Variants in SLC7A14 observed in about 807,000 individuals in gnomAD.
SLC7A14 encodes gamma-aminobutyric acid transporter SLC7A14.
A neutral mutation model predicts 60.2 loss-of-function variants in SLC7A14; 37 were observed. The observed-to-expected ratio is 0.61, with a 90% CI of 0.47 to 0.81. The LOEUF is 0.81. Among genes scored for constraint, SLC7A14 ranks in the 30% least tolerant of loss-of-function variants. The probability of loss-of-function intolerance (pLI) is 0.00; values close to 1 mark genes in which losing one functional copy is unlikely to be tolerated. For synonymous variants in SLC7A14, 399 were observed against 395.8 expected (o/e 1.01, Z -0.10); for missense variants, 886 against 982.7 (o/e 0.90, Z 1.32).
In SLC7A14 at chr3:170,480,562, T is replaced by C; in HGVS notation, c.1720A>G (p.Ile574Val). Residue 574 changes from isoleucine to valine, a missense_variant, in exon 7 of 8, where the codon ATC becomes GTC. Ile to Val is a conservative substitution (Grantham distance 29). Transcript: ENST00000231706. The stretch of plus-strand genomic sequence containing the variant: ...AAGGAGCAGAAGATGAACATGAGGA[T>C]GAAGAGCAGGAGCACGCAGATGGTC... ...TVTICVLLLF[I>V]LMFIFCSFII... 1 of 1,614,034 alleles carries C rather than the reference T, an allele frequency of 6.2e-7. No homozygotes were observed. The highest frequency in any genetic ancestry group is 2.2e-5 in the East Asian group (1 of 44,882).
At chr3:170,521,699 G>A (rs185852430) in intron 2 of SLC7A14, among the ~76,000 whole-genome samples, 2 of 152,346 alleles carry the variant, frequency 1.3e-5, no homozygotes, top group African/African-American at 4.8e-5. Flanking sequence ...AAGGCAGGCA[G>A]ATCACGAGGT....
chr3:170,486,326 A>G lies in SLC7A14; in HGVS notation c.802T>C (p.Phe268Leu), dbSNP rs2108272232. 1.2e-6 allele frequency: 2 copies of G among 1,614,220 alleles called. No individual in the cohort carries two copies. Among genetic ancestry groups the G allele is most frequent in the Non-Finnish European group, 1.7e-6 (2 of 1,180,038 alleles). ...TCTCCAGTGGTGGCGATGATGTCAA[A>G]GCCAATGAAAGCGTAGAAGCATGTT... ...AATCFYAFIG[F>L]DIIATTGEEA... Residue 268 changes from phenylalanine to leucine, a missense_variant, in exon 5 of 8, where the codon TTT becomes CTT. Transcript: ENST00000231706.
intron 1 of SLC7A14, among the ~76,000 whole-genome samples, chr3:170,558,146 T>C (rs1714539391): frequency 6.6e-6 from 1 of 152,110 alleles, no homozygotes; most frequent in African/African-American, 2.4e-5. Context: ...GGTGGGTGGA[T>C]CACTTCAGGT....
In SLC7A14 at chr3:170,481,031, C is replaced by T. The variant is rs767706415; in HGVS notation, c.1251G>A (p.Leu417=). The part of the protein sequence containing the change: ...LIEMMSIGTL[L]AYTLVSVCVL... ...CACAGACAGAGACCAAGGTGTAGGC[C>T]AGGAGCGTGCCGATAGACATCATCT... Residue 417 remains leucine, a synonymous_variant, in exon 7 of 8, where the codon CTG becomes CTA. Coordinates refer to ENST00000231706, the MANE Select transcript of SLC7A14 (RefSeq NM_020949.3). The T allele has an allele frequency of 6.2e-7, 1 of 1,614,096 alleles. No homozygotes were observed. Among genetic ancestry groups the T allele is most frequent in the East Asian group, 2.2e-5 (1 of 44,874 alleles).
rs1021986656 is a variant in SLC7A14 at position 170,462,231 on chromosome 3, A to G, written c.*4824T>C. On this transcript the variant is annotated 3_prime_UTR_variant, in exon 8 of 8. Transcript: ENST00000231706. ...GGACGGCAATTTTCTCCAGTCTTCT[A>G]TGTGGATTTTCAACCTGATGTAGCT... The G allele has an allele frequency of 1.6e-4, 24 of 152,200 alleles. No individual in the cohort carries two copies. The highest frequency in any genetic ancestry group is 1.6e-3 in the Admixed American group (24 of 15,270). 9.4% of individuals were successfully genotyped at this position (152,200 alleles called of 1,614,324 possible). A position where few individuals can be genotyped will look rare whatever the true frequency, so the allele number is the denominator to read the frequency against.
intron 1 of SLC7A14, among the ~76,000 whole-genome samples, chr3:170,551,254 T>C (rs1714340734): frequency 6.6e-6 from 1 of 152,224 alleles, no homozygotes; most frequent in South Asian, 2.1e-4. Flanking sequence ...CTGAATAATA[T>C]CCCATTATAT....
At chr3:170,583,886 G>A (rs1256582116) in intron 1 of SLC7A14, among the ~76,000 whole-genome samples, 3 of 152,212 alleles carry the variant, frequency 2.0e-5, no homozygotes, top group Non-Finnish European at 4.4e-5. Flanking sequence ...GAAAAGGGTT[G>A]GAAGAGAGGA....
At chr3:170,544,967 T>A (rs1422970093) in intron 1 of SLC7A14, among the ~76,000 whole-genome samples, 5 of 152,242 alleles carry the variant, frequency 3.3e-5, no homozygotes, top group Non-Finnish European at 7.3e-5. Flanking sequence ...TCTAATACAG[T>A]GGCCACTAGC....
intron 2 of SLC7A14, 118 bp downstream of exon 2, chr3:170,526,515 A>G (rs1713504749): frequency 1.6e-6 from 2 of 1,276,528 alleles, no homozygotes; most frequent in African/African-American, 3.0e-5. Context: ...GAGCATGATG[A>G]TCCACTTTTC....
chr3:170,547,342 G>GCCAACC (rs767763105), intron 1 of SLC7A14, among the ~76,000 whole-genome samples: 1 of 152,190 alleles, frequency 6.6e-6, no homozygotes, highest in Non-Finnish European at 1.5e-5. Flanking sequence ...GGCTAGGGGT[G>GCCAACC]CCAACCCCTG....
chr3:170,481,256 G>T, intron 6 of SLC7A14, 90 bp from the exon 7 acceptor site: 1 of 1,383,478 alleles, frequency 7.2e-7, no homozygotes, highest in Non-Finnish European at 9.7e-7. Flanking sequence ...CTATCAATAG[G>T]CTGGTGTGAT....
intron 1 of SLC7A14, among the ~76,000 whole-genome samples, chr3:170,542,314 C>A (rs1191432244): frequency 6.6e-6 from 1 of 152,190 alleles, no homozygotes; most frequent in African/African-American, 2.4e-5. Flanking sequence ...CCAGAGGCAA[C>A]TAATTGTGTT....
intron 1 of SLC7A14, among the ~76,000 whole-genome samples, chr3:170,568,992 T>A (rs1467796210): frequency 2.0e-5 from 3 of 152,218 alleles, no homozygotes; most frequent in Non-Finnish European, 1.5e-5. Context: ...CCTAATTGAA[T>A]ACCCTTTATT....
At chr3:170,516,201 T>C (rs1713152787) in intron 2 of SLC7A14, among the ~76,000 whole-genome samples, 1 of 152,226 alleles carries the variant, frequency 6.6e-6, no homozygotes, top group Admixed American at 6.5e-5. Context: ...GGGCTGTCAA[T>C]TGATCCCTAT....
chr3:170,503,863 C>G (rs958629124), intron 2 of SLC7A14, among the ~76,000 whole-genome samples: 3 of 152,136 alleles, frequency 2.0e-5, no homozygotes, highest in Non-Finnish European at 4.4e-5. Flanking sequence ...TGGACCAGTC[C>G]ATTGCTGTCT....
chr3:170,510,142 C>T lies in SLC7A14; in HGVS notation c.305-8797G>A, dbSNP rs531789295. Reference sequence around the variant, plus strand: ...TGGTGACTCACGCCTGTAATCCCAGCACTTTGGGAGGCTGAGGCAGGCAGA... The same window carrying T: ...TGGTGACTCACGCCTGTAATCCCAGTACTTTGGGAGGCTGAGGCAGGCAGA... On this transcript the variant is annotated intron_variant, in intron 2 of 7. Coordinates refer to ENST00000231706, the MANE Select transcript of SLC7A14 (RefSeq NM_020949.3). Among the ~76,000 whole-genome samples, 99 of 150,422 alleles carry T rather than the reference C, an allele frequency of 6.6e-4. 1 individual carries two copies. The highest frequency in any genetic ancestry group is 2.3e-3 in the African/African-American group (95 of 40,846).
chr3:170,513,987 C>T (rs917535898), intron 2 of SLC7A14, among the ~76,000 whole-genome samples: 1 of 152,220 alleles, frequency 6.6e-6, no homozygotes, highest in Non-Finnish European at 1.5e-5. Flanking sequence ...CTTTCTTCAT[C>T]ATCGCTTCTT....
intron 1 of SLC7A14, among the ~76,000 whole-genome samples, chr3:170,562,767 T>G (rs1365072175): frequency 1.3e-5 from 2 of 151,970 alleles, no homozygotes; most frequent in Non-Finnish European, 2.9e-5. Context: ...ATTCCATTTC[T>G]TTTTTTTGAG....
chr3:170,560,653 G>A lies in SLC7A14; in HGVS notation c.-153+25258C>T, dbSNP rs141755458. On this transcript the variant is annotated intron_variant, in intron 1 of 7. Transcript: ENST00000231706. The stretch of plus-strand genomic sequence containing the variant: ...CTCTCTATAGATCCCCTCATAATCC[G>A]TACATAATGGACCAAGGTTTTGGTT... 6.6e-5 allele frequency among the ~76,000 whole-genome samples: 10 copies of A among 152,220 alleles called. No individual in the cohort carries two copies. In the East Asian group the frequency reaches 1.5e-3, roughly 24 times the overall value.
Sources: gnomAD v4.1 joint callset for allele counts (sites outside exome capture counted in the v4.1 genomes callset) on GRCh38, gnomAD v4.1.1 for gene constraint, MANE v1.5 for transcripts, NCBI Gene and HGNC (gene_info 2026-07-23, HGNC 2026-07-21) for gene names.